The following MACROD2 variants were observed in gnomAD, a reference collection of about 807,000 sequenced individuals.
MACROD2 encodes ADP-ribose glycohydrolase MACROD2.
In MACROD2, 36 loss-of-function variants were observed where a neutral mutation model predicts 70.4. The ratio of observed to expected loss-of-function variants is 0.51; its 90% confidence interval spans 0.39 to 0.68. The LOEUF (loss-of-function observed/expected upper bound fraction) is 0.68. Ranked by LOEUF, MACROD2 falls within the 30% of genes least tolerant of loss-of-function variation. The pLI is 0.00. For missense variants in MACROD2, 496 were observed against 538.4 expected, an observed-to-expected ratio of 0.92 and a Z score of 0.78; for synonymous variants, 172 against 178.8, an observed-to-expected ratio of 0.96 and a Z score of 0.30.
intron 5 of MACROD2, among the ~76,000 whole-genome samples, chr20:15,121,943 T>C (rs1014742098): frequency 6.6e-6 from 1 of 152,128 alleles, no homozygotes; most frequent in African/African-American, 2.4e-5. Flanking sequence ...AGAAATAAAT[T>C]TGTGGGTGGG....
chr20:15,153,264 G>A (rs2076284144), intron 5 of MACROD2, among the ~76,000 whole-genome samples: 1 of 152,072 alleles, frequency 6.6e-6, no homozygotes, highest in Non-Finnish European at 1.5e-5. Context: ...AGTGAAGGGA[G>A]CTAGGGGTGG....
intron 13 of MACROD2, among the ~76,000 whole-genome samples, chr20:15,982,907 A>G (rs1211880854): frequency 1.3e-5 from 2 of 151,978 alleles, no homozygotes; most frequent in Non-Finnish European, 2.9e-5. Flanking sequence ...CGTGGGGGCC[A>G]TTTGGAAACC....
In MACROD2 at chr20:15,230,064, A is replaced by G; in HGVS notation, c.540+3A>G. The G allele has an allele frequency of 6.2e-7, 1 of 1,611,928 alleles. No individual in the cohort carries two copies. The highest frequency in any genetic ancestry group is 8.5e-7 in the Non-Finnish European group (1 of 1,178,956). On this transcript the variant is annotated splice_donor_region_variant and intron_variant, in intron 6 of 17. Coordinates refer to ENST00000684519, the MANE Select transcript of MACROD2 (RefSeq NM_001351661.2). ...AAGAAAATAACATCCGATCAGTTGT[A>G]AGTAATTTTATGTTTTTTATTTCTC...
At chr20:15,124,802 A>C (rs1011217675) in intron 5 of MACROD2, among the ~76,000 whole-genome samples, 2 of 152,052 alleles carry the variant, frequency 1.3e-5, no homozygotes, top group Non-Finnish European at 2.9e-5. Context: ...TTGTATTGAA[A>C]AAGCTAGGTT....
At chr20:15,168,391 G>A (rs577564982) in intron 5 of MACROD2, among the ~76,000 whole-genome samples, 2 of 151,468 alleles carry the variant, frequency 1.3e-5, no homozygotes, top group Non-Finnish European at 2.9e-5. Flanking sequence ...GCTGCCAAAA[G>A]TTTGCCGACA....
chr20:15,840,974 C>A (rs2064163882), intron 8 of MACROD2, among the ~76,000 whole-genome samples: 1 of 152,148 alleles, frequency 6.6e-6, no homozygotes, highest in Non-Finnish European at 1.5e-5. Context: ...AAATTTTAAT[C>A]TTTTAAAAAA....
At chr20:14,281,593 G>A (rs1165606533) in intron 3 of MACROD2, among the ~76,000 whole-genome samples, 1 of 152,040 alleles carries the variant, frequency 6.6e-6, no homozygotes, top group Non-Finnish European at 1.5e-5. Context: ...GATGAATTCT[G>A]TACTTTACAA....
intron 5 of MACROD2, among the ~76,000 whole-genome samples, chr20:15,031,616 A>G (rs1372431741): frequency 1.3e-5 from 2 of 152,232 alleles, no homozygotes; most frequent in Non-Finnish European, 1.5e-5. Flanking sequence ...CATCCCGACT[A>G]AGTGGAGGAG....
intron 5 of MACROD2, among the ~76,000 whole-genome samples, chr20:14,815,041 G>T (rs2072758043): frequency 6.6e-6 from 1 of 152,002 alleles, no homozygotes; most frequent in Non-Finnish European, 1.5e-5. Context: ...CAAAAGAGAA[G>T]ATTCAATGTA....
chr20:14,164,794 C>G (rs760294025), intron 3 of MACROD2, among the ~76,000 whole-genome samples: 1 of 152,128 alleles, frequency 6.6e-6, no homozygotes, highest in African/African-American at 2.4e-5. Flanking sequence ...TGGGGTTTGA[C>G]GCATCTGTAC....
At position 15,613,581 on chromosome 20, in the gene MACROD2, A is replaced by G. The variant is rs141423661; in HGVS notation, c.645+113734A>G. Among the ~76,000 whole-genome samples the G allele has an allele frequency of 2.7e-3, 412 of 152,338 alleles. 1 individual carries two copies. The highest frequency in any genetic ancestry group is 9.7e-3 in the African/African-American group (402 of 41,576). ...CAATCACCACATTAAGAATTTTAAG[A>G]TATCATCCCATTAAAGCTTTACAAT... On this transcript the variant is annotated intron_variant, in intron 8 of 17. Coordinates refer to ENST00000684519, the MANE Select transcript of MACROD2 (RefSeq NM_001351661.2).
chr20:14,355,803 T>A (rs2083166567), intron 3 of MACROD2, among the ~76,000 whole-genome samples: 1 of 152,226 alleles, frequency 6.6e-6, no homozygotes, highest in Non-Finnish European at 1.5e-5. Flanking sequence ...ACAAGTGTTA[T>A]TAAAAAGGTC....
chr20:15,815,338 C>T (rs867144963), intron 8 of MACROD2, among the ~76,000 whole-genome samples: 2 of 151,810 alleles, frequency 1.3e-5, no homozygotes, highest in African/African-American at 4.8e-5. Flanking sequence ...AGTGGGTTTT[C>T]GTTTTGTTAT....
At chr20:15,392,945 C>A (rs2045812313) in intron 6 of MACROD2, among the ~76,000 whole-genome samples, 2 of 151,838 alleles carry the variant, frequency 1.3e-5, no homozygotes, top group South Asian at 4.2e-4. Flanking sequence ...TATCTCACCC[C>A]AGTTCTCGGT....
intron 6 of MACROD2, among the ~76,000 whole-genome samples, chr20:15,232,716 C>T (rs1390417408): frequency 6.6e-6 from 1 of 151,988 alleles, no homozygotes; most frequent in Non-Finnish European, 1.5e-5. Flanking sequence ...GAACTCTAGA[C>T]ATTTACCATG....
At chr20:14,028,634 C>A (rs2053208566) in intron 2 of MACROD2, among the ~76,000 whole-genome samples, 1 of 152,142 alleles carries the variant, frequency 6.6e-6, no homozygotes, top group South Asian at 2.1e-4. Flanking sequence ...TGCACCATTC[C>A]TCATGGCACA....
chr20:14,786,204 TAGAGAGAGAGAG>T (rs11474711), intron 5 of MACROD2, among the ~76,000 whole-genome samples: 3 of 135,534 alleles, frequency 2.2e-5, no homozygotes, highest in East Asian at 2.3e-4. Context: ...CAGAGAAAGA[TAGAGAGAGAGAG>T]AGAGAGAGAG....
chr20:15,173,700 C>T (rs181995520), intron 5 of MACROD2, among the ~76,000 whole-genome samples: 2 of 152,046 alleles, frequency 1.3e-5, no homozygotes, highest in African/African-American at 4.8e-5. Context: ...GGTATAAATA[C>T]AGTCATTTCA....
chr20:14,600,261 C>T (rs915054132), intron 4 of MACROD2, among the ~76,000 whole-genome samples: 1 of 150,446 alleles, frequency 6.6e-6, no homozygotes, highest in African/African-American at 2.5e-5. Context: ...GTTTTGTATC[C>T]ATCTCCTAAA....
Sources: gnomAD v4.1 joint callset for allele counts (sites outside exome capture counted in the v4.1 genomes callset) on GRCh38, gnomAD v4.1.1 for gene constraint, MANE v1.5 for transcripts, NCBI Gene and HGNC (gene_info 2026-07-23, HGNC 2026-07-21) for gene names.